The following WNT4 variants were observed in gnomAD, a reference collection of about 807,000 sequenced individuals.
WNT4 encodes the protein protein Wnt-4.
In WNT4, 16 loss-of-function variants were observed where a neutral mutation model predicts 34.5. That is an observed-to-expected ratio of 0.46 (90% CI 0.31 to 0.70). The LOEUF (loss-of-function observed/expected upper bound fraction) is 0.70, where lower values mean the gene tolerates loss of function less well. Ranked by LOEUF, WNT4 falls within the 30% of genes least tolerant of loss-of-function variation. The pLI is 0.04. For synonymous variants in WNT4, 200 were observed against 211.9 expected (o/e 0.94, Z 0.49); for missense variants, 379 against 495.9 (o/e 0.76, Z 2.24).
At chr1:22,129,545 G>T (rs570930153) in intron 2 of WNT4, 71 bp downstream of exon 2, 2 of 1,509,954 alleles carry the variant, frequency 1.3e-6, no homozygotes, top group Non-Finnish European at 1.8e-6. Context: ...GCTCACGAGC[G>T]TCTCATTTCC....
chr1:22,134,841 T>C lies in WNT4; in HGVS notation c.78-4990A>G, dbSNP rs1039135505. On this transcript the variant is annotated intron_variant, in intron 1 of 4. Coordinates refer to ENST00000290167, the MANE Select transcript of WNT4 (RefSeq NM_030761.5). This position sits in a 1 kb window ranked among gnomAD's most constrained non-coding sequence, Gnocchi z 4.1. ...CAGACCCATGCTGACTTCTGCTCAT[T>C]TGTGTGTGTGTTTTTTTGCTTGGGT... Among the ~76,000 whole-genome samples, 6 of 152,048 alleles carry C rather than the reference T, an allele frequency of 3.9e-5. No individual in the cohort carries two copies. Among genetic ancestry groups the C allele is most frequent in the African/African-American group, 1.4e-4 (6 of 41,404 alleles).
chr1:22,120,993 A>G (rs920621758), intron 4 of WNT4, among the ~76,000 whole-genome samples: 5 of 151,962 alleles, frequency 3.3e-5, no homozygotes, highest in African/African-American at 9.7e-5. Flanking sequence ...TGGGGGGGCC[A>G]TATGTATGGA....
chr1:22,132,785 C>T (rs1330979386), intron 1 of WNT4, among the ~76,000 whole-genome samples: 2 of 152,154 alleles, frequency 1.3e-5, no homozygotes, highest in East Asian at 3.9e-4. Context: ...CCACCCCCAG[C>T]CCCTGCCTTC....
Position 22,120,422 on chromosome 1 carries a change from G to A in WNT4, c.684C>T (p.Arg228=). 1.9e-6 allele frequency: 3 copies of A among 1,613,816 alleles called. No homozygotes were observed. Among genetic ancestry groups the A allele is most frequent in the Non-Finnish European group, 2.5e-6 (3 of 1,179,854 alleles). Residue 228 remains arginine (R), a synonymous_variant, in exon 5 of 5, where the codon CGC becomes CGT. Transcript: ENST00000290167. ...TCTCCTTCAGTGCGTGACCCACCTGGCGGAAGGGCGGCACGGCTCGCCAGC... is the reference window on the plus strand; with the variant it reads ...TCTCCTTCAGTGCGTGACCCACCTGACGGAAGGGCGGCACGGCTCGCCAGC... The part of the protein sequence containing the change: ...KTCWRAVPPF[R]QVGHALKEKF...
Position 22,118,453 on chromosome 1 carries a change from A to G in WNT4, c.*1597T>C, listed in dbSNP as rs185568861. 5.8e-3 allele frequency: 880 copies of G among 152,320 alleles called. 14 individuals carry two copies. Among genetic ancestry groups the G allele is most frequent in the Non-Finnish European group, 5.5e-3 (374 of 68,064 alleles). 9.4% of individuals were successfully genotyped at this position (152,320 alleles called of 1,614,324 possible). A position where few individuals can be genotyped will look rare whatever the true frequency, so the allele number is the denominator to read the frequency against. On this transcript the variant is annotated 3_prime_UTR_variant, in exon 5 of 5. Coordinates refer to ENST00000290167, the MANE Select transcript of WNT4 (RefSeq NM_030761.5). Reference sequence around the variant, plus strand: ...CTTGATCCATGCATGTCCTTCTCACAAGCCTGGGCGGGGCTCGTGATGGTT... The same window carrying G: ...CTTGATCCATGCATGTCCTTCTCACGAGCCTGGGCGGGGCTCGTGATGGTT...
chr1:22,120,521 T>C lies in WNT4; in HGVS notation c.589-4A>G. On this transcript the variant is annotated splice_region_variant and splice_polypyrimidine_tract_variant and intron_variant, in intron 4 of 4. Coordinates refer to ENST00000290167, the MANE Select transcript of WNT4 (RefSeq NM_030761.5). ...CCCGCATGTGTGTCAGGATGGCCTG[T>C]GGGAGAGGGTGGGGGAGAGGGGCCA... 1.2e-6 allele frequency: 2 copies of C among 1,604,486 alleles called. No homozygotes were observed. The highest frequency in any genetic ancestry group is 1.7e-6 in the Non-Finnish European group (2 of 1,176,118).
At position 22,121,315 on chromosome 1, in the gene WNT4, C is replaced by A; in HGVS notation, c.484G>T (p.Gly162Cys). 6.2e-7 allele frequency: 1 copy of A among 1,614,184 alleles called. No homozygotes were observed. The highest frequency in any genetic ancestry group is 8.5e-7 in the Non-Finnish European group (1 of 1,180,022). Residue 162 changes from glycine to cysteine, a missense_variant, in exon 4 of 5, where the codon GGT (glycine) becomes TGT (cysteine). Gly to Cys is a radical substitution (Grantham distance 159, BLOSUM62 -3). Coordinates refer to ENST00000290167, the MANE Select transcript of WNT4 (RefSeq NM_030761.5). ...ACAAACGACTGTGAGAAGGCCACAC[C>A]GTAGGCGATGTTGTCAGAGCATCCT... is the stretch of plus-strand genomic sequence containing the variant. ...WSGCSDNIAY[G>C]VAFSQSFVDV...
intron 1 of WNT4, among the ~76,000 whole-genome samples, chr1:22,133,105 C>T (rs973098644): frequency 6.6e-6 from 1 of 152,142 alleles, no homozygotes; most frequent in Non-Finnish European, 1.5e-5. Flanking sequence ...GCAAACCCAG[C>T]CCTAACTCTC....
At chr1:22,122,186 C>T (rs553773283) in intron 2 of WNT4, among the ~76,000 whole-genome samples, 1 of 152,294 alleles carries the variant, frequency 6.6e-6, no homozygotes, top group East Asian at 1.9e-4. Context: ...TTAGAGTAAA[C>T]CGTAATAACA....
At chr1:22,141,011 T>C (rs1646061884) in intron 1 of WNT4, among the ~76,000 whole-genome samples, 1 of 152,118 alleles carries the variant, frequency 6.6e-6, no homozygotes. Context: ...TGAAGGTGAG[T>C]GGTGATGCCA....
intron 1 of WNT4, among the ~76,000 whole-genome samples, chr1:22,131,273 CA>C (rs1645981656): frequency 6.6e-6 from 1 of 152,330 alleles, no homozygotes; most frequent in Non-Finnish European, 1.5e-5. Flanking sequence ...TTTTATTTGT[CA>C]GGTATGTGGG....
At chr1:22,129,549 C>T (rs1645966269) in intron 2 of WNT4, 67 bp downstream of exon 2, 1 of 1,539,374 alleles carries the variant, frequency 6.5e-7, no homozygotes, top group African/African-American at 1.4e-5. Flanking sequence ...ACGAGCGTCT[C>T]ATTTCCTGCT....
At chr1:22,126,507 G>C (rs1300128494) in intron 2 of WNT4, among the ~76,000 whole-genome samples, 1 of 152,202 alleles carries the variant, frequency 6.6e-6, no homozygotes, top group Non-Finnish European at 1.5e-5. Flanking sequence ...GCTGTGATGT[G>C]GGAGAACAGC....
Position 22,119,873 on chromosome 1 carries a change from G to C in WNT4, c.*177C>G. 1 of 760,228 alleles carries C rather than the reference G, an allele frequency of 1.3e-6. No homozygotes were observed. The highest frequency in any genetic ancestry group is 2.1e-6 in the Non-Finnish European group (1 of 473,562). 47.1% of individuals were successfully genotyped at this position (760,228 alleles called of 1,614,324 possible). On this transcript the variant is annotated 3_prime_UTR_variant, in exon 5 of 5. Transcript: ENST00000290167. Reference sequence around the variant, plus strand: ...AGGCCCAGGCTTTGGGGAGGCCCTGGTTGGTGCCCTTGGGGTTGCCTGCCT... The same window carrying C: ...AGGCCCAGGCTTTGGGGAGGCCCTGCTTGGTGCCCTTGGGGTTGCCTGCCT...
intron 2 of WNT4, among the ~76,000 whole-genome samples, chr1:22,122,880 G>A (rs1416982606): frequency 6.6e-6 from 1 of 152,170 alleles, no homozygotes; most frequent in East Asian, 1.9e-4. Flanking sequence ...CCTGTTCTTG[G>A]TTCGGCCCTT....
In WNT4 at chr1:22,142,934, G is replaced by T. The variant is rs748842551; in HGVS notation, c.-12C>A. On this transcript the variant is annotated 5_prime_UTR_variant, in exon 1 of 5. Coordinates refer to ENST00000290167, the MANE Select transcript of WNT4 (RefSeq NM_030761.5). This position sits in a 1 kb window ranked among gnomAD's most constrained non-coding sequence, Gnocchi z 6.0. ...GAGCGGGGACTCATGGTGCCGCCGC[G>T]GGCGCCCGGCCCGGGGCAGCGGCTG... 1.8e-6 allele frequency: 2 copies of T among 1,124,348 alleles called. No individual in the cohort carries two copies. Among genetic ancestry groups the T allele is most frequent in the Non-Finnish European group, 1.1e-6 (1 of 899,794 alleles). The allele number at this position is 1,124,348 out of a possible 1,614,324, so 69.6% of individuals were successfully genotyped here.
chr1:22,120,399 T>C lies in WNT4; in HGVS notation c.707A>G (p.Glu236Gly). The change falls in exon 5 of 5, where the codon GAG becomes GGG. Residue 236 changes from glutamate to glycine, a missense_variant. This residue lies in a region of WNT4 where 313 missense variants were observed against 445.8 expected (regional missense o/e 0.70). Coordinates refer to ENST00000290167, the MANE Select transcript of WNT4 (RefSeq NM_030761.5). ...PFRQVGHALK[E>G]KFDGATEVEP... Reference sequence around the variant, plus strand: ...CACCTCAGTGGCACCATCAAACTTCTCCTTCAGTGCGTGACCCACCTGGCG... The same window carrying C: ...CACCTCAGTGGCACCATCAAACTTCCCCTTCAGTGCGTGACCCACCTGGCG... 1 of 1,614,072 alleles carries C rather than the reference T, an allele frequency of 6.2e-7. No individual in the cohort carries two copies. Among genetic ancestry groups the C allele is most frequent in the Non-Finnish European group, 8.5e-7 (1 of 1,180,004 alleles).
intron 2 of WNT4, among the ~76,000 whole-genome samples, chr1:22,124,643 T>C (rs1316456256): frequency 6.6e-6 from 1 of 152,154 alleles, no homozygotes; most frequent in African/African-American, 2.4e-5. Context: ...AGGCAGTAAA[T>C]GGCCAAGTGG....
At position 22,120,334 on chromosome 1, in the gene WNT4, G is replaced by A. The variant is rs953737200; in HGVS notation, c.772C>T (p.Arg258Cys). Reference protein sequence around the residue: ...RVGSSRALVPRNAQFKPHTDE... With the variant: ...RVGSSRALVPCNAQFKPHTDE... Reference sequence around the variant, plus strand: ...GTGTGCGGCTTGAACTGTGCGTTGCGTGGCACCAGTGCCCTGGAGGAGCCC... The same window carrying A: ...GTGTGCGGCTTGAACTGTGCGTTGCATGGCACCAGTGCCCTGGAGGAGCCC... Residue 258 changes from arginine to cysteine, a missense_variant, in exon 5 of 5, where the codon CGC (arginine) becomes TGC (cysteine). Arg to Cys is a radical substitution (Grantham distance 180, BLOSUM62 -3). Around this residue, in one of 2 missense-constraint regions of WNT4, gnomAD observed 313 missense variants for 445.8 expected, o/e 0.70. Transcript: ENST00000290167. 2 of 1,614,106 alleles carry A rather than the reference G, an allele frequency of 1.2e-6. No homozygotes were observed. Among genetic ancestry groups the A allele is most frequent in the South Asian group, 1.1e-5 (1 of 91,094 alleles).
Sources: gnomAD v4.1 joint callset for allele counts (sites outside exome capture counted in the v4.1 genomes callset) on GRCh38, gnomAD v4.1.1 for gene constraint, gnomAD v4.1.1 regional missense constraint, Gnocchi (gnomAD v3.1) non-coding constraint, MANE v1.5 for transcripts, NCBI Gene and HGNC (gene_info 2026-07-23, HGNC 2026-07-21) for gene names.